IGF1R: variants seen among roughly 807,000 people sequenced by gnomAD.
The protein encoded by IGF1R is insulin like growth factor 1 receptor.
A neutral mutation model predicts 144.6 loss-of-function variants in IGF1R; 44 were observed. The observed-to-expected ratio is 0.30, with a 90% confidence interval of 0.24 to 0.39. The LOEUF (loss-of-function observed/expected upper bound fraction) is 0.39. Ranked by LOEUF, IGF1R falls within the 10% of genes least tolerant of loss-of-function variation. The pLI is 1.00. For missense variants in IGF1R, 1,355 were observed against 1,833.7 expected, an observed-to-expected ratio of 0.74 and a Z score of 4.77; for synonymous variants, 795 against 722.8, an observed-to-expected ratio of 1.10 and a Z score of -1.60.
intron 1 of IGF1R, among the ~76,000 whole-genome samples, chr15:98,671,747 T>G (rs2052898453): frequency 6.6e-6 from 1 of 152,200 alleles, no homozygotes; most frequent in African/African-American, 2.4e-5. Flanking sequence ...GCCTGTAGAC[T>G]TTTTTCTCTT....
At chr15:98,892,009 G>A (rs1399595727) in intron 3 of IGF1R, among the ~76,000 whole-genome samples, 2 of 152,168 alleles carry the variant, frequency 1.3e-5, no homozygotes, top group Non-Finnish European at 2.9e-5. Context: ...CTGCTAGCCA[G>A]GTGAGGCTTT....
At chr15:98,846,688 A>G (rs1015972137) in intron 2 of IGF1R, among the ~76,000 whole-genome samples, 5 of 152,224 alleles carry the variant, frequency 3.3e-5, no homozygotes, top group Non-Finnish European at 7.3e-5. Context: ...TCAGGGACCC[A>G]GTTCATCGAG....
chr15:98,670,701 G>A (rs933575617), intron 1 of IGF1R, among the ~76,000 whole-genome samples: 3 of 152,196 alleles, frequency 2.0e-5, no homozygotes, highest in African/African-American at 7.2e-5. Flanking sequence ...GCACATTGCA[G>A]TTATATTTGA....
intron 2 of IGF1R, among the ~76,000 whole-genome samples, chr15:98,837,970 G>A (rs1181334205): frequency 2.6e-5 from 4 of 152,126 alleles, no homozygotes; most frequent in Non-Finnish European, 1.5e-5. Flanking sequence ...TTGTGATTTG[G>A]ATCTGTTGGC....
At chr15:98,948,830 GC>G in intron 20 of IGF1R, 122 bp downstream of exon 20, 1 of 1,187,824 alleles carries the variant, frequency 8.4e-7, no homozygotes, top group Non-Finnish European at 1.2e-6. Flanking sequence ...CCCTTGCCAG[GC>G]GTGGCTAAGA....
intron 1 of IGF1R, among the ~76,000 whole-genome samples, chr15:98,687,274 G>T (rs771837816): frequency 1.2e-4 from 19 of 152,206 alleles, no homozygotes; most frequent in Non-Finnish European, 2.2e-4. Flanking sequence ...AATGAGTGCA[G>T]TTGGGGTCCT....
At chr15:98,939,445 G>T in intron 18 of IGF1R, 85 bp downstream of exon 18, 1 of 1,329,698 alleles carries the variant, frequency 7.5e-7, no homozygotes, top group Non-Finnish European at 1.1e-6. Context: ...CCCCTGGAGA[G>T]GTTTTCTAGT....
chr15:98,938,283 C>A (rs2016234840), intron 17 of IGF1R, among the ~76,000 whole-genome samples: 1 of 152,200 alleles, frequency 6.6e-6, no homozygotes, highest in South Asian at 2.1e-4. Flanking sequence ...CTGTCAGAGC[C>A]CTATGGCTTT....
At chr15:98,650,386 G>A (rs745889257) in intron 1 of IGF1R, among the ~76,000 whole-genome samples, 2 of 152,218 alleles carry the variant, frequency 1.3e-5, no homozygotes, top group Non-Finnish European at 1.5e-5. Context: ...GGGGTGAGGG[G>A]AAGCGCTCTC....
chr15:98,924,086 G>A (rs1356767606), intron 12 of IGF1R, 74 bp downstream of exon 12: 1 of 1,401,860 alleles, frequency 7.1e-7, no homozygotes, highest in Non-Finnish European at 1.0e-6. Flanking sequence ...GACTGCACAG[G>A]TTACCTCCTG....
At chr15:98,938,924 A>G (rs1053346393) in intron 17 of IGF1R, among the ~76,000 whole-genome samples, 11 of 152,182 alleles carry the variant, frequency 7.2e-5, no homozygotes, top group African/African-American at 2.7e-4. Context: ...ATGTTGCCCT[A>G]CCCAAAATAG....
intron 2 of IGF1R, among the ~76,000 whole-genome samples, chr15:98,825,723 T>G (rs147070897): frequency 2.6e-3 from 393 of 152,372 alleles, no homozygotes; most frequent in African/African-American, 8.8e-3. Flanking sequence ...ATCTGTAGAT[T>G]ACTTATAACA....
rs763273019 is a variant in IGF1R at position 98,957,397 on chromosome 15, C to T, written c.4059C>T (p.Arg1353=). ...RQPYAHMNGG[R]KNERALPLPQ... is the part of the protein sequence containing the mutation. Reference sequence around the variant, plus strand: ...CTTACGCCCACATGAACGGGGGCCGCAAGAACGAGCGGGCCTTGCCGCTGC... The same window carrying T: ...CTTACGCCCACATGAACGGGGGCCGTAAGAACGAGCGGGCCTTGCCGCTGC... Residue 1353 remains arginine, a synonymous_variant, in exon 21 of 21, where the codon CGC becomes CGT. Coordinates refer to ENST00000650285, the MANE Select transcript of IGF1R (RefSeq NM_000875.5). The T allele has an allele frequency of 6.2e-7, 1 of 1,613,310 alleles. No homozygotes were observed. The highest frequency in any genetic ancestry group is 2.2e-5 in the East Asian group (1 of 44,876).
chr15:98,881,080 CAATA>C (rs1251358208), intron 2 of IGF1R, among the ~76,000 whole-genome samples: 2 of 152,172 alleles, frequency 1.3e-5, no homozygotes, highest in East Asian at 1.9e-4. Context: ...TGCTGGAACT[CAATA>C]AATAAAGAAG....
At chr15:98,664,602 T>TTGGAGGG (rs1567063791) in intron 1 of IGF1R, among the ~76,000 whole-genome samples, 8 of 142,270 alleles carry the variant, frequency 5.6e-5, no homozygotes, top group African/African-American at 2.2e-4. Context: ...GAGGTGGAGG[T>TTGGAGGG]TGGAGGTTGG....
In IGF1R at chr15:98,946,021, T is replaced by C. The variant is rs564697261; in HGVS notation, c.3588-2553T>C. Among the ~76,000 whole-genome samples the C allele has an allele frequency of 1.9e-3, 288 of 151,966 alleles. 6 individuals are homozygous for C. The highest frequency in any genetic ancestry group is 0.014 in the Admixed American group (212 of 15,278). On this transcript the variant is annotated intron_variant, in intron 19 of 20. Transcript: ENST00000650285. The stretch of plus-strand genomic sequence containing the variant: ...GCGGGGATGATGATGATGACGATGA[T>C]GACGATGACGACGATGACAGCGTCG...
Position 98,869,856 on chromosome 15 carries a change from G to A in IGF1R, c.641-21469G>A, listed in dbSNP as rs145758198. On this transcript the variant is annotated intron_variant, in intron 2 of 20. Coordinates refer to ENST00000650285, the MANE Select transcript of IGF1R (RefSeq NM_000875.5). ...TTTTGGAAAGTTTGCCTATGTAGTC[G>A]TCCAGGGCTAAATTAACACCTGTCT... Among the ~76,000 whole-genome samples, 805 of 152,282 alleles carry A rather than the reference G, an allele frequency of 5.3e-3. 1 individual carries two copies. Among genetic ancestry groups the A allele is most frequent in the Non-Finnish European group, 9.0e-3 (614 of 68,018 alleles).
chr15:98,829,607 A>G (rs1185047486), intron 2 of IGF1R, among the ~76,000 whole-genome samples: 1 of 152,168 alleles, frequency 6.6e-6, no homozygotes, highest in Non-Finnish European at 1.5e-5. Context: ...ATGATACTCT[A>G]AATAGAAGCA....
chr15:98,934,213 C>CT (rs2016054345), intron 15 of IGF1R, among the ~76,000 whole-genome samples: 1 of 151,380 alleles, frequency 6.6e-6, no homozygotes, highest in South Asian at 2.1e-4. Flanking sequence ...TAGGGACCAG[C>CT]TGCCATGTTA....
Sources: allele counts gnomAD v4.1 joint callset (sites outside exome capture counted in the v4.1 genomes callset), GRCh38; gene constraint gnomAD v4.1.1; transcripts MANE v1.5; gene names NCBI Gene and HGNC (gene_info 2026-07-23, HGNC 2026-07-21).